WNT5B: variants seen among roughly 807,000 people sequenced by gnomAD.
WNT5B encodes protein Wnt-5b.
In WNT5B, 18 loss-of-function variants were observed where a neutral mutation model predicts 36.5. The ratio of observed to expected loss-of-function variants is 0.49; its 90% CI spans 0.34 to 0.73. WNT5B has a LOEUF of 0.73. Among genes scored for constraint, WNT5B ranks in the 30% least tolerant of loss-of-function variants. WNT5B has a pLI of 0.01. For synonymous variants in WNT5B, 213 were observed against 212.3 expected (o/e 1.00, Z -0.03); for missense variants, 424 against 508.4 (o/e 0.83, Z 1.60).
upstream of WNT5B, among the ~76,000 whole-genome samples, chr12:1,625,491 C>T (rs77619671): frequency 0.017 from 2,576 of 152,312 alleles, 88 homozygotes; most frequent in African/African-American, 0.058. Flanking sequence ...TGCTCCTCCT[C>T]CACCTGCCCC....
chr12:1,643,644 G>A (rs1173803083), intron 4 of WNT5B, among the ~76,000 whole-genome samples: 1 of 147,544 alleles, frequency 6.8e-6, no homozygotes, highest in Non-Finnish European at 1.5e-5. Context: ...GGGATTACAG[G>A]CATAAGCCAC....
Position 1,630,296 on chromosome 12 carries a change from G to T in WNT5B, c.-58+925G>T. 1 of 916,872 alleles carries T rather than the reference G, an allele frequency of 1.1e-6. No homozygotes were observed. 56.8% of individuals were successfully genotyped at this position (916,872 alleles called of 1,614,324 possible). A position where few individuals can be genotyped will look rare whatever the true frequency, so the allele number is the denominator to read the frequency against. On this transcript the variant is annotated intron_variant, in intron 1 of 4. Transcript: ENST00000397196. The surrounding 1 kb of genome is among the most constrained non-coding windows in gnomAD (Gnocchi z 5.3). ...GACGGGGGCCCCGGAGGACCGCGGGGGAGCCGCAGGGGCCGTGTGTCCCGA... is the reference window on the plus strand; with the variant it reads ...GACGGGGGCCCCGGAGGACCGCGGGTGAGCCGCAGGGGCCGTGTGTCCCGA...
chr12:1,623,783 G>A lies in WNT5B; in HGVS notation c.-58+6640G>A, dbSNP rs1045039682. On this transcript the variant is annotated intron_variant, in intron 1 of 4. Coordinates refer to the WNT5B transcript ENST00000310594. ...CAGGATCCACCCTTCCAGACCCATA[G>A]CTCTTGACCTGGTTTGTCTTTTCCA... 4.6e-5 allele frequency among the ~76,000 whole-genome samples: 7 copies of A among 152,204 alleles called. No homozygotes were observed. In the East Asian group the frequency reaches 1.2e-3, roughly 25 times the overall value.
Position 1,639,795 on chromosome 12 carries a change from C to G in WNT5B, c.440C>G (p.Ala147Gly). Reference protein sequence around the residue: ...ELSTCGCSRTARPKDLPRDWL... With the variant: ...ELSTCGCSRTGRPKDLPRDWL... The stretch of plus-strand genomic sequence containing the variant: ...TCCACCTGCGGCTGCAGCCGGACGG[C>G]GCGGCCCAAGGACCTGCCCCGGGAC... The change falls in exon 4 of 5, where the codon GCG becomes GGG. Residue 147 changes from alanine to glycine, a missense_variant. Ala to Gly is a moderately conservative substitution (Grantham distance 60, BLOSUM62 0). Transcript: ENST00000397196. The G allele has an allele frequency of 6.2e-7, 1 of 1,612,358 alleles. No homozygotes were observed. The highest frequency in any genetic ancestry group is 2.2e-5 in the East Asian group (1 of 44,824).
intron 3 of WNT5B, 82 bp from the exon 4 acceptor site, chr12:1,639,602 G>T: frequency 7.1e-7 from 1 of 1,410,600 alleles, no homozygotes; most frequent in Non-Finnish European, 9.2e-7. Flanking sequence ...TGGCGTGCGG[G>T]TCCGTCGGGG....
At position 1,633,048 on chromosome 12, in the gene WNT5B, A is replaced by T; in HGVS notation, c.328+143A>T. 2.4e-6 allele frequency: 3 copies of T among 1,228,500 alleles called. No individual in the cohort carries two copies. The highest frequency in any genetic ancestry group is 3.3e-6 in the Non-Finnish European group (3 of 905,360). 76.1% of individuals were successfully genotyped at this position (1,228,500 alleles called of 1,614,324 possible). ...TCTAGGCTTGGCAGCAGTGTGCACC[A>T]CGAGAGAGGCACACGAGGAAGCAGG... On this transcript the variant is annotated intron_variant, in intron 3 of 4. Transcript: ENST00000397196. This position sits in a 1 kb window ranked among gnomAD's most constrained non-coding sequence, Gnocchi z 4.8.
upstream of WNT5B, among the ~76,000 whole-genome samples, chr12:1,627,584 A>T (rs953948717): frequency 6.6e-6 from 1 of 152,170 alleles, no homozygotes; most frequent in Non-Finnish European, 1.5e-5. This position sits in a 1 kb window ranked among gnomAD's most constrained non-coding sequence, Gnocchi z 5.0. Flanking sequence ...TAAGGAAATG[A>T]AAGTGAGTGA....
chr12:1,628,381 C>G (rs1485846631), upstream of WNT5B, among the ~76,000 whole-genome samples: 1 of 152,162 alleles, frequency 6.6e-6, no homozygotes, highest in African/African-American at 2.4e-5. Flanking sequence ...TGGTCTCGAA[C>G]TCCTGACCTC....
At chr12:1,634,180 G>C (rs1592528101) in intron 3 of WNT5B, among the ~76,000 whole-genome samples, 1 of 152,200 alleles carries the variant, frequency 6.6e-6, no homozygotes, top group East Asian at 1.9e-4. Flanking sequence ...TCCTGGGGCA[G>C]CTTTCCCAAA....
chr12:1,632,575 T>G lies in WNT5B; in HGVS notation c.81-83T>G. On this transcript the variant is annotated intron_variant, in intron 2 of 4. Transcript: ENST00000397196. The surrounding 1 kb of genome is among the most constrained non-coding windows in gnomAD (Gnocchi z 5.8). Reference sequence around the variant, plus strand: ...TACACAGGGACGCATTCAATAAATGTGTTGAATGAATGACTTAATGCTGCA... The same window carrying G: ...TACACAGGGACGCATTCAATAAATGGGTTGAATGAATGACTTAATGCTGCA... The G allele has an allele frequency of 1.3e-6, 2 of 1,507,818 alleles. No individual in the cohort carries two copies. The highest frequency in any genetic ancestry group is 1.8e-6 in the Non-Finnish European group (2 of 1,121,908). 93.4% of individuals were successfully genotyped at this position (1,507,818 alleles called of 1,614,324 possible).
chr12:1,639,420 A>AGCCACCGC (rs1034874923), intron 3 of WNT5B, among the ~76,000 whole-genome samples: 22 of 151,354 alleles, frequency 1.5e-4, no homozygotes, highest in Admixed American at 2.6e-4. Flanking sequence ...TTACGGGCTG[A>AGCCACCGC]GCCACCGCGC....
At position 1,639,961 on chromosome 12, in the gene WNT5B, C is replaced by T. The variant is rs1454392235; in HGVS notation, c.606C>T (p.Asn202=). 6.8e-6 allele frequency: 11 copies of T among 1,612,688 alleles called. No homozygotes were observed. The Admixed American group carries it at 1.5e-4, about 22-fold the overall frequency. The change falls in exon 4 of 5, where the codon AAC becomes AAT. Residue 202 remains asparagine, a synonymous_variant. Transcript: ENST00000397196. The part of the protein sequence containing the change: ...QGRVLMNLQN[N]EAGRRAVYKM... The stretch of plus-strand genomic sequence containing the variant: ...GGGTGCTCATGAACCTGCAAAACAA[C>T]GAGGCCGGTCGCAGGGTAAGCTGGG...
At position 1,639,746 on chromosome 12, in the gene WNT5B, C is replaced by G; in HGVS notation, c.391C>G (p.Arg131Gly). Reference sequence around the variant, plus strand: ...CGCGGGCGTGGTCAACGCCATCAGCCGGGCCTGCCGCGAGGGCGAGCTCTC... The same window carrying G: ...CGCGGGCGTGGTCAACGCCATCAGCGGGGCCTGCCGCGAGGGCGAGCTCTC... ...SAAGVVNAISRACREGELSTC... is the reference protein window; with the variant it reads ...SAAGVVNAISGACREGELSTC... Residue 131 changes from arginine (R) to glycine (G), a missense_variant, in exon 4 of 5, where the codon CGG becomes GGG. By Grantham distance (125) the Arg-to-Gly change is moderately radical (BLOSUM62 -2). Transcript: ENST00000397196. The G allele has an allele frequency of 1.2e-6, 2 of 1,602,878 alleles. No homozygotes were observed. Among genetic ancestry groups the G allele is most frequent in the Non-Finnish European group, 1.7e-6 (2 of 1,174,920 alleles).
chr12:1,639,328 GAA>G (rs2094568841), intron 3 of WNT5B, among the ~76,000 whole-genome samples: 2 of 151,990 alleles, frequency 1.3e-5, no homozygotes. Context: ...TAGTTGAGAC[GAA>G]GGTTTCACCG....
At chr12:1,624,279 G>A (rs537988782), upstream of WNT5B, among the ~76,000 whole-genome samples, 9 of 151,650 alleles carry the variant, frequency 5.9e-5, no homozygotes, top group African/African-American at 1.9e-4. Context: ...CCAGCTACTC[G>A]GGAGGCTGAG....
At position 1,646,274 on chromosome 12, in the gene WNT5B, C is replaced by T. The variant is rs971362541; in HGVS notation, c.*22C>T. On this transcript the variant is annotated 3_prime_UTR_variant, in exon 5 of 5. Transcript: ENST00000397196. ...ATAGCCCGGAGGGCCTGCTCCCGGC[C>T]CCCCTGCACTCTGCCTCACAAAGGT... The T allele has an allele frequency of 6.3e-7, 1 of 1,578,210 alleles. No homozygotes were observed. The highest frequency in any genetic ancestry group is 1.4e-5 in the African/African-American group (1 of 73,698).
upstream of WNT5B, among the ~76,000 whole-genome samples, chr12:1,626,142 A>G (rs1217452878): frequency 2.6e-5 from 4 of 151,314 alleles, no homozygotes; most frequent in Non-Finnish European, 5.9e-5. Context: ...ATTTTTTTGT[A>G]GAGACAGGGT....
chr12:1,642,687 T>C (rs1400155262), intron 4 of WNT5B, among the ~76,000 whole-genome samples: 1 of 152,206 alleles, frequency 6.6e-6, no homozygotes, highest in African/African-American at 2.4e-5. Flanking sequence ...TTTCCCCTGC[T>C]GCTGGGTCTC....
rs1251283598 is a variant in WNT5B at position 1,641,971 on chromosome 12, G to A, written c.621+1995G>A. Reference sequence around the variant, plus strand: ...CATCATCAGCCATGGGACATCAGGTGGAGACCAGAGTGGGTTATATGCCCA... The same window carrying A: ...CATCATCAGCCATGGGACATCAGGTAGAGACCAGAGTGGGTTATATGCCCA... On this transcript the variant is annotated intron_variant, in intron 4 of 4. Transcript: ENST00000397196. Among the ~76,000 whole-genome samples the A allele has an allele frequency of 6.6e-5, 10 of 152,360 alleles. No homozygotes were observed. In the East Asian group the frequency reaches 1.7e-3, roughly 26 times the overall value.
Sources: gnomAD v4.1 joint callset for allele counts (sites outside exome capture counted in the v4.1 genomes callset) on GRCh38, gnomAD v4.1.1 for gene constraint, Gnocchi (gnomAD v3.1) non-coding constraint, MANE v1.5 for transcripts, NCBI Gene and HGNC (gene_info 2026-07-23, HGNC 2026-07-21) for gene names.